Variants in SH3PXD2B observed in about 807,000 individuals in gnomAD.
The protein encoded by SH3PXD2B is SH3 and PX domains 2B, also known as SH3 and PX domain-containing protein 2B.
Under a neutral mutation model 73.1 loss-of-function variants are expected in SH3PXD2B, and 37 were observed. The ratio of observed to expected loss-of-function variants is 0.51; its 90% CI spans 0.39 to 0.67. SH3PXD2B has a LOEUF of 0.67. Among genes scored for constraint, SH3PXD2B ranks in the 30% least tolerant of loss-of-function variants. SH3PXD2B has a pLI of 0.00. For missense variants in SH3PXD2B, 1,053 were observed against 1,197.8 expected (o/e 0.88, Z 1.78); for synonymous variants, 457 against 480.5 (o/e 0.95, Z 0.64).
At chr5:172,367,576 G>A (rs2569240) in intron 6 of SH3PXD2B, among the ~76,000 whole-genome samples, 76,237 of 151,840 alleles carry the variant, frequency 0.5, 20,430 homozygotes, top group East Asian at 0.68. Context: ...CCAATGTGGC[G>A]CAGATGGTTA....
chr5:172,365,800 T>C (rs1261081906), intron 6 of SH3PXD2B, among the ~76,000 whole-genome samples: 1 of 152,188 alleles, frequency 6.6e-6, no homozygotes, highest in East Asian at 1.9e-4. Context: ...GTCCAGTGAA[T>C]GAATGAATGT....
At chr5:172,411,825 T>C (rs1758706742) in intron 2 of SH3PXD2B, among the ~76,000 whole-genome samples, 1 of 151,938 alleles carries the variant, frequency 6.6e-6, no homozygotes, top group Admixed American at 6.6e-5. Flanking sequence ...GTGTTAAATA[T>C]ACACAAGAGA....
intron 7 of SH3PXD2B, among the ~76,000 whole-genome samples, chr5:172,362,073 AT>A (rs1475887527): frequency 1.3e-5 from 2 of 152,272 alleles, no homozygotes; most frequent in East Asian, 1.9e-4. Context: ...GGAAACCCAC[AT>A]TTTTTTGAGC....
intron 6 of SH3PXD2B, among the ~76,000 whole-genome samples, chr5:172,367,505 G>C (rs966941147): frequency 6.6e-6 from 1 of 151,750 alleles, no homozygotes; most frequent in African/African-American, 2.4e-5. Context: ...TGGGATTACA[G>C]TTGTGAGCCA....
At chr5:172,347,778 A>G (rs1757028413) in intron 10 of SH3PXD2B, among the ~76,000 whole-genome samples, 1 of 152,150 alleles carries the variant, frequency 6.6e-6, no homozygotes, top group Admixed American at 6.5e-5. Flanking sequence ...GATGAAAGGA[A>G]ACATCTGTGA....
chr5:172,374,998 C>T (rs1757791986), intron 5 of SH3PXD2B, among the ~76,000 whole-genome samples: 1 of 152,178 alleles, frequency 6.6e-6, no homozygotes, highest in Admixed American at 6.5e-5. Context: ...GCAAGTAGCA[C>T]AGCTAGAATT....
Position 172,339,602 on chromosome 5 carries a change from G to A in SH3PXD2B, c.1503C>T (p.Asp501=), listed in dbSNP as rs759125971. Residue 501 remains aspartate, a synonymous_variant, in exon 13 of 13, where the codon GAC becomes GAT. Coordinates refer to ENST00000311601, the MANE Select transcript of SH3PXD2B (RefSeq NM_001017995.3). The surrounding 1 kb of genome is among the most constrained non-coding windows in gnomAD (Gnocchi z 6.1). ...CCTCGTAGCCTGCTGACGCAGACAT[G>A]TCTGAAGATGCCTTCCTCAGGACAT... The part of the protein sequence containing the change: ...SKDVLRKASS[D]MSASAGYEEI... 2 of 1,614,238 alleles carry A rather than the reference G, an allele frequency of 1.2e-6. No homozygotes were observed. The highest frequency in any genetic ancestry group is 2.2e-5 in the East Asian group (1 of 44,886).
At chr5:172,386,478 C>T (rs981183643) in intron 4 of SH3PXD2B, among the ~76,000 whole-genome samples, 3 of 152,222 alleles carry the variant, frequency 2.0e-5, no homozygotes, top group African/African-American at 7.2e-5. Flanking sequence ...TAACACTTGT[C>T]TAACTTGCTT....
chr5:172,339,071 C>T lies in SH3PXD2B; in HGVS notation c.2034G>A (p.Lys678=), dbSNP rs1311467773. The change falls in exon 13 of 13, where the codon AAG becomes AAA. Residue 678 remains lysine, a synonymous_variant. Coordinates refer to ENST00000311601, the MANE Select transcript of SH3PXD2B (RefSeq NM_001017995.3). This position sits in a 1 kb window ranked among gnomAD's most constrained non-coding sequence, Gnocchi z 6.1. ...SKLRPAKSQD[K]SLLDGEGPQA... is the part of the protein sequence containing the mutation. ...GGGGGCCCTCCCCATCCAACAAGGA[C>T]TTGTCTTGGGACTTGGCAGGCCTGA... The T allele has an allele frequency of 3.1e-6, 5 of 1,614,226 alleles. No individual in the cohort carries two copies. The highest frequency in any genetic ancestry group is 2.5e-6 in the Non-Finnish European group (3 of 1,180,046).
chr5:172,390,815 TTGTGTGTGTGTGTG>T (rs56116617), intron 4 of SH3PXD2B, among the ~76,000 whole-genome samples: 175 of 140,002 alleles, frequency 1.2e-3, no homozygotes, highest in African/African-American at 3.9e-3. Flanking sequence ...TTCCCGTCTT[TTGTGTGTGTGTGTG>T]TGTGTGTGTG....
At chr5:172,377,747 A>T (rs1757848914) in intron 5 of SH3PXD2B, among the ~76,000 whole-genome samples, 1 of 152,232 alleles carries the variant, frequency 6.6e-6, no homozygotes, top group Non-Finnish European at 1.5e-5. Flanking sequence ...ATGGACGTAT[A>T]TAAGATATGA....
chr5:172,452,741 A>G (rs1011551989), intron 1 of SH3PXD2B, among the ~76,000 whole-genome samples: 6 of 152,322 alleles, frequency 3.9e-5, no homozygotes, highest in Non-Finnish European at 8.8e-5. Flanking sequence ...TCCAGTTGCC[A>G]TGTTGGTGAA....
At chr5:172,454,206 C>G in intron 1 of SH3PXD2B, 72 bp downstream of exon 1, 1 of 1,384,864 alleles carries the variant, frequency 7.2e-7, no homozygotes, top group Non-Finnish European at 9.9e-7. Context: ...AGAAGTTTTC[C>G]AAGCCGGGGG....
At chr5:172,371,871 TTC>T (rs1757713400) in intron 6 of SH3PXD2B, among the ~76,000 whole-genome samples, 1 of 152,258 alleles carries the variant, frequency 6.6e-6, no homozygotes, top group Non-Finnish European at 1.5e-5. Flanking sequence ...GCAGCTCCTC[TTC>T]TCTCTGCTCT....
chr5:172,417,802 T>C (rs923061387), intron 2 of SH3PXD2B, among the ~76,000 whole-genome samples: 3 of 152,196 alleles, frequency 2.0e-5, no homozygotes, highest in African/African-American at 7.2e-5. Context: ...TGAGATATAC[T>C]TCACATACCA....
chr5:172,360,828 T>C (rs928042931), intron 7 of SH3PXD2B, among the ~76,000 whole-genome samples: 1 of 151,994 alleles, frequency 6.6e-6, no homozygotes, highest in African/African-American at 2.4e-5. Flanking sequence ...TGAGTCTCCG[T>C]CTCCAAAAAA....
At chr5:172,371,215 C>T (rs192850929) in intron 6 of SH3PXD2B, among the ~76,000 whole-genome samples, 1 of 152,262 alleles carries the variant, frequency 6.6e-6, no homozygotes, top group Non-Finnish European at 1.5e-5. Context: ...ACTATACTGT[C>T]AATCTTGCTG....
At chr5:172,371,602 G>A (rs115350714) in intron 6 of SH3PXD2B, among the ~76,000 whole-genome samples, 1 of 152,328 alleles carries the variant, frequency 6.6e-6, no homozygotes, top group Non-Finnish European at 1.5e-5. Context: ...GAAGAAAGAT[G>A]CTATTTTCCA....
chr5:172,442,720 G>A (rs533750993), intron 1 of SH3PXD2B, among the ~76,000 whole-genome samples: 1 of 152,262 alleles, frequency 6.6e-6, no homozygotes, highest in South Asian at 2.1e-4. Flanking sequence ...TGATGATGAT[G>A]GTAAAGATAA....
Sources: allele counts gnomAD v4.1 joint callset (sites outside exome capture counted in the v4.1 genomes callset), GRCh38; gene constraint gnomAD v4.1.1; non-coding constraint Gnocchi (gnomAD v3.1); transcripts MANE v1.5; gene names NCBI Gene and HGNC (gene_info 2026-07-23, HGNC 2026-07-21).